Variants in FCHSD2 observed in about 807,000 individuals in gnomAD.
FCHSD2 encodes FCH and double SH3 domains 2.
Under a neutral mutation model 108.1 loss-of-function variants are expected in FCHSD2, and 38 were observed. The observed-to-expected ratio is 0.35, with a 90% confidence interval of 0.27 to 0.46. The LOEUF (loss-of-function observed/expected upper bound fraction) is 0.46, where lower values mean the gene tolerates loss of function less well. Ranked by LOEUF, FCHSD2 falls within the 20% of genes least tolerant of loss-of-function variation. The pLI, the probability that FCHSD2 is intolerant of heterozygous loss-of-function variation, is 1.00. For missense variants in FCHSD2, 751 were observed against 897.8 expected, an observed-to-expected ratio of 0.84 and a Z score of 2.09; for synonymous variants, 279 against 314.7, an observed-to-expected ratio of 0.89 and a Z score of 1.20.
intron 8 of FCHSD2, among the ~76,000 whole-genome samples, chr11:72,939,976 T>C (rs1856382978): frequency 6.6e-6 from 1 of 152,166 alleles, no homozygotes; most frequent in Non-Finnish European, 1.5e-5. Flanking sequence ...CGAGAACATC[T>C]GTGGACTGCT....
chr11:72,902,754 T>C, intron 9 of FCHSD2, 116 bp from the exon 10 acceptor site: 4 of 613,070 alleles, frequency 6.5e-6, no homozygotes, highest in Non-Finnish European at 8.2e-6. Context: ...CATCCAACAC[T>C]GTGGTAAAAA....
At chr11:73,073,648 C>A (rs939630023) in intron 3 of FCHSD2, among the ~76,000 whole-genome samples, 11 of 152,140 alleles carry the variant, frequency 7.2e-5, no homozygotes, top group Admixed American at 6.6e-4. Flanking sequence ...TCAATCAATC[C>A]TTTGCACAGA....
intron 6 of FCHSD2, among the ~76,000 whole-genome samples, chr11:72,986,156 T>C (rs1170558089): frequency 6.6e-6 from 1 of 152,208 alleles, no homozygotes; most frequent in Non-Finnish European, 1.5e-5. Context: ...AAATTGGGTT[T>C]AAAAGATTCC....
intron 2 of FCHSD2, among the ~76,000 whole-genome samples, chr11:73,132,485 C>A (rs1398400660): frequency 6.6e-6 from 1 of 152,172 alleles, no homozygotes; most frequent in Non-Finnish European, 1.5e-5. Flanking sequence ...CTTCAAAGCT[C>A]TTGTTTCCAT....
chr11:72,883,819 C>A (rs1289724789), intron 12 of FCHSD2, among the ~76,000 whole-genome samples: 1 of 151,846 alleles, frequency 6.6e-6, no homozygotes, highest in East Asian at 1.9e-4. Flanking sequence ...GTATTCCCAG[C>A]TACTCGGGAG....
At chr11:72,928,463 T>A (rs532321028) in intron 8 of FCHSD2, among the ~76,000 whole-genome samples, 3 of 152,310 alleles carry the variant, frequency 2.0e-5, no homozygotes, top group South Asian at 2.1e-4. Flanking sequence ...AATAAGTTAT[T>A]CTCTTGGCCT....
At position 72,902,635 on chromosome 11, in the gene FCHSD2, C is replaced by T. The variant is rs1821970692; in HGVS notation, c.832G>A (p.Val278Ile). The T allele has an allele frequency of 1.3e-6, 2 of 1,561,766 alleles. No homozygotes were observed. The highest frequency in any genetic ancestry group is 1.7e-6 in the Non-Finnish European group (2 of 1,150,692). The change falls in exon 10 of 20, where the codon GTC (valine) becomes ATC (isoleucine). Residue 278 changes from valine to isoleucine, a missense_variant. Val to Ile is a conservative substitution (Grantham distance 29). Transcript: ENST00000409418. Reference protein sequence around the residue: ...QFLLENSSKVVRDYNLQLFLQ... With the variant: ...QFLLENSSKVIRDYNLQLFLQ... ...AACAGCTGAAGATTGTAGTCCCGGA[C>T]CACCTAAAGAGAAAATAAAATATCT...
chr11:72,902,523 A>G lies in FCHSD2; in HGVS notation c.924+20T>C. On this transcript the variant is annotated intron_variant, in intron 10 of 19. Transcript: ENST00000409418. ...ACACAACTGAACAACACATGAAATGAAAATCTATAATTCCCTTACAGTATC... is the reference window on the plus strand; with the variant it reads ...ACACAACTGAACAACACATGAAATGGAAATCTATAATTCCCTTACAGTATC... 6.6e-7 allele frequency: 1 copy of G among 1,506,658 alleles called. No individual in the cohort carries two copies. The highest frequency in any genetic ancestry group is 1.2e-5 in the South Asian group (1 of 82,366). 93.3% of individuals were successfully genotyped at this position (1,506,658 alleles called of 1,614,324 possible). A position where few individuals can be genotyped will look rare whatever the true frequency, so the allele number is the denominator to read the frequency against.
At chr11:73,033,163 C>A (rs1858405001) in intron 3 of FCHSD2, among the ~76,000 whole-genome samples, 2 of 151,838 alleles carry the variant, frequency 1.3e-5, no homozygotes, top group Admixed American at 6.6e-5. Context: ...TGGCGGGCAC[C>A]TGTAGTTCCA....
At chr11:73,141,039 T>A (rs759871939) in intron 1 of FCHSD2, among the ~76,000 whole-genome samples, 1 of 152,222 alleles carries the variant, frequency 6.6e-6, no homozygotes, top group African/African-American at 2.4e-5. Context: ...AACGGCCTCA[T>A]CCACCCAGTG....
intron 2 of FCHSD2, among the ~76,000 whole-genome samples, chr11:73,122,711 G>A (rs1860763698): frequency 6.6e-6 from 1 of 152,192 alleles, no homozygotes; most frequent in Admixed American, 6.5e-5. Context: ...ATGCCTTGGA[G>A]ATGGTACTTA....
intron 10 of FCHSD2, among the ~76,000 whole-genome samples, chr11:72,901,645 T>C (rs542348141): frequency 3.3e-5 from 5 of 152,172 alleles, no homozygotes; most frequent in African/African-American, 4.8e-5. Context: ...ACTTTAACTA[T>C]GGTTAAAAAT....
At chr11:73,086,609 C>T (rs1859823076) in intron 2 of FCHSD2, among the ~76,000 whole-genome samples, 1 of 152,058 alleles carries the variant, frequency 6.6e-6, no homozygotes. Flanking sequence ...GTTGGTTCTT[C>T]AGAAAGATCA....
chr11:73,111,304 T>G (rs1002428244), intron 2 of FCHSD2, among the ~76,000 whole-genome samples: 7 of 152,218 alleles, frequency 4.6e-5, no homozygotes, highest in Admixed American at 6.5e-5. Flanking sequence ...CAGTATTGGG[T>G]ACATATATAT....
chr11:72,908,252 T>G (rs1855676292), intron 9 of FCHSD2, among the ~76,000 whole-genome samples: 1 of 152,250 alleles, frequency 6.6e-6, no homozygotes, highest in South Asian at 2.1e-4. Context: ...ATTGTGTATA[T>G]ATACCACATT....
rs1360601398 is a variant in FCHSD2, at chr11:72,840,915, T to C, written c.2101A>G (p.Arg701Gly). The C allele has an allele frequency of 1.9e-6, 3 of 1,613,410 alleles. No individual in the cohort carries two copies. Among genetic ancestry groups the C allele is most frequent in the Non-Finnish European group, 2.5e-6 (3 of 1,179,382 alleles). ...CCATATGAGGTCTCAGGAGTATGCC[T>C]TGATGCCTGTGAGAATCCTGGTGAC... ...AESPGFSQASRHTPETSYGKL... is the reference protein window; with the variant it reads ...AESPGFSQASGHTPETSYGKL... Residue 701 changes from arginine (R) to glycine (G), a missense_variant, in exon 19 of 20, where the codon AGG (arginine) becomes GGG (glycine). By Grantham distance (125) the Arg-to-Gly change is moderately radical. Transcript: ENST00000409418.
chr11:73,120,610 T>C (rs904529188), intron 2 of FCHSD2, among the ~76,000 whole-genome samples: 3 of 151,954 alleles, frequency 2.0e-5, no homozygotes, highest in African/African-American at 7.3e-5. Flanking sequence ...ATGCCTATAA[T>C]CCCAGCTACT....
At chr11:72,841,002 G>T (rs748755228) in intron 18 of FCHSD2, 43 bp from the exon 19 acceptor site, 2 of 1,438,516 alleles carry the variant, frequency 1.4e-6, no homozygotes, top group Non-Finnish European at 2.0e-6. Context: ...TTGAGTTGTT[G>T]AGCAATAATG....
chr11:72,868,662 G>GC (rs1267371007), intron 12 of FCHSD2, among the ~76,000 whole-genome samples: 1 of 151,954 alleles, frequency 6.6e-6, no homozygotes, highest in African/African-American at 2.4e-5. Context: ...CTACACTCCC[G>GC]CCTGGGTGAC....
Sources: gnomAD v4.1 joint callset for allele counts (sites outside exome capture counted in the v4.1 genomes callset) on GRCh38, gnomAD v4.1.1 for gene constraint, MANE v1.5 for transcripts, NCBI Gene and HGNC (gene_info 2026-07-23, HGNC 2026-07-21) for gene names.